DENND1A: variants seen among roughly 807,000 people sequenced by gnomAD.
DENND1A encodes DENN domain-containing protein 1A.
In DENND1A, 51 loss-of-function variants were observed where a neutral mutation model predicts 113.7. The observed-to-expected ratio is 0.45, with a 90% CI of 0.36 to 0.57. DENND1A has a LOEUF of 0.57. Among genes scored for constraint, DENND1A ranks in the 20% least tolerant of loss-of-function variants. The pLI, the probability that DENND1A is intolerant of heterozygous loss-of-function variation, is 0.00. For missense variants in DENND1A, 1,258 were observed against 1,395.9 expected, an observed-to-expected ratio of 0.90 and a Z score of 1.57; for synonymous variants, 565 against 570.8, an observed-to-expected ratio of 0.99 and a Z score of 0.14.
At chr9:123,414,389 G>C in intron 19 of DENND1A, 2 of 1,430,726 alleles carry the variant, frequency 1.4e-6, no homozygotes, top group Non-Finnish European at 1.8e-6. Context: ...TTTCCAGAGA[G>C]GACTTAAAAA....
At chr9:123,433,835 C>T (rs529056143) in intron 19 of DENND1A, among the ~76,000 whole-genome samples, 8 of 152,282 alleles carry the variant, frequency 5.3e-5, no homozygotes, top group South Asian at 4.2e-4. Context: ...TGACTGCTTT[C>T]CCCACTGTGC....
At chr9:123,744,294 T>C (rs1267880243) in intron 5 of DENND1A, among the ~76,000 whole-genome samples, 2 of 152,224 alleles carry the variant, frequency 1.3e-5, no homozygotes, top group East Asian at 1.9e-4. Context: ...GCTTTTCTTC[T>C]ATAAGTACTG....
intron 13 of DENND1A, among the ~76,000 whole-genome samples, chr9:123,498,670 G>C (rs1038801662): frequency 6.6e-6 from 1 of 152,092 alleles, no homozygotes. Flanking sequence ...ATGGGCAAGT[G>C]TAGTCCCTTA....
rs1252210423 is a variant in DENND1A, at chr9:123,381,998, T to G, written c.2647A>C (p.Thr883Pro). 2.5e-6 allele frequency: 3 copies of G among 1,179,778 alleles called. No individual in the cohort carries two copies. The East Asian group carries it at 1.7e-4, about 68-fold the overall frequency. The allele number at this position is 1,179,778 out of a possible 1,614,324, so 73.1% of individuals were successfully genotyped here. The change falls in exon 24 of 24, where the codon ACA (threonine) becomes CCA (proline). Residue 883 changes from threonine to proline, a missense_variant. Around this residue, in one of 2 missense-constraint regions of DENND1A, gnomAD observed 1,159 missense variants for 1,231.7 expected, o/e 0.94. Transcript: ENST00000394215. This position sits in a 1 kb window ranked among gnomAD's most constrained non-coding sequence, Gnocchi z 4.7. ...TPQFSFPPAG[T>P]PTPFPQPPLN... The stretch of plus-strand genomic sequence containing the variant: ...GGTGGCTGTGGGAATGGGGTGGGTG[T>G]CCCTGCAGGGGGGAAGCTGAATTGG...
At chr9:123,561,320 G>C (rs1589141983) in intron 12 of DENND1A, among the ~76,000 whole-genome samples, 1 of 152,208 alleles carries the variant, frequency 6.6e-6, no homozygotes, top group Non-Finnish European at 1.5e-5. Context: ...ATACGAGTGT[G>C]TCCCTTCCTG....
intron 11 of DENND1A, among the ~76,000 whole-genome samples, chr9:123,600,050 A>G (rs1399515728): frequency 1.3e-5 from 2 of 152,126 alleles, no homozygotes; most frequent in Admixed American, 6.6e-5. Flanking sequence ...AGCTCCCACA[A>G]TGGCCCCGCC....
chr9:123,602,127 T>C (rs1464845748), intron 11 of DENND1A, among the ~76,000 whole-genome samples: 1 of 152,176 alleles, frequency 6.6e-6, no homozygotes, highest in Non-Finnish European at 1.5e-5. Context: ...AGGGCCCCTG[T>C]GAATACCAAC....
intron 1 of DENND1A, among the ~76,000 whole-genome samples, chr9:123,907,113 G>C (rs938289684): frequency 1.3e-4 from 20 of 149,702 alleles, no homozygotes; most frequent in African/African-American, 4.7e-4. Context: ...AAAACCACAT[G>C]ATTATCTCAA....
chr9:123,881,376 AG>A (rs532446002), intron 1 of DENND1A, among the ~76,000 whole-genome samples: 121 of 152,326 alleles, frequency 7.9e-4, no homozygotes, highest in African/African-American at 2.8e-3. Flanking sequence ...GGAAGTTCAA[AG>A]GTTCTTTCAT....
At chr9:123,637,105 TCA>T (rs1231753946) in intron 9 of DENND1A, among the ~76,000 whole-genome samples, 2 of 152,232 alleles carry the variant, frequency 1.3e-5, no homozygotes, top group South Asian at 4.1e-4. Flanking sequence ...AATCAGATGG[TCA>T]CAGTCATTCT....
intron 4 of DENND1A, chr9:123,759,827 T>A (rs1473701677): frequency 6.6e-6 from 1 of 152,232 alleles, no homozygotes; most frequent in Non-Finnish European, 1.5e-5. Context: ...TATGCTAGAT[T>A]CAGTTTTGTC....
intron 2 of DENND1A, among the ~76,000 whole-genome samples, chr9:123,819,049 C>T (rs1323512143): frequency 1.3e-5 from 2 of 152,160 alleles, no homozygotes; most frequent in Non-Finnish European, 1.5e-5. Flanking sequence ...CTACTTAATC[C>T]ATCTCTGGGC....
At chr9:123,640,644 G>A (rs1333462366) in intron 9 of DENND1A, among the ~76,000 whole-genome samples, 1 of 152,234 alleles carries the variant, frequency 6.6e-6, no homozygotes, top group Admixed American at 6.5e-5. Flanking sequence ...GGCCTGCAAG[G>A]ATGAGATTCA....
chr9:123,447,271 A>T (rs1056246351), intron 18 of DENND1A, among the ~76,000 whole-genome samples: 5 of 152,240 alleles, frequency 3.3e-5, no homozygotes, highest in Non-Finnish European at 7.3e-5. Context: ...TGCTCCATTT[A>T]TCTAGAGAAA....
chr9:123,382,208 G>C lies in DENND1A; in HGVS notation c.2437C>G (p.Leu813Val), dbSNP rs1302729135. The C allele has an allele frequency of 5.0e-6, 8 of 1,609,792 alleles. No individual in the cohort carries two copies. The highest frequency in any genetic ancestry group is 6.8e-6 in the Non-Finnish European group (8 of 1,179,604). ...CCTTGGGGGACAACACCAGGCAGGA[G>C]CCCTGGACTCAGGGCAGCTCGCCTG... ...RDRRAALSPGLLPGVVPQGPT... is the reference protein window; with the variant it reads ...RDRRAALSPGVLPGVVPQGPT... Residue 813 changes from leucine to valine, a missense_variant, in exon 24 of 24, where the codon CTC (leucine) becomes GTC (valine). Around this residue, in one of 2 missense-constraint regions of DENND1A, gnomAD observed 1,159 missense variants for 1,231.7 expected, o/e 0.94. Coordinates refer to ENST00000394215, the MANE Select transcript of DENND1A (RefSeq NM_001352964.2).
rs56805562 is a variant in DENND1A, at chr9:123,827,392, A to AATAT, written c.89-34766_89-34763dup. Among the ~76,000 whole-genome samples the AATAT allele has an allele frequency of 4.8e-3, 678 of 140,762 alleles. 2 individuals carry two copies. Among genetic ancestry groups the AATAT allele is most frequent in the African/African-American group, 0.011 (423 of 38,566 alleles). 92.3% of individuals were successfully genotyped at this position (140,762 alleles called of 152,430 possible). A position where few individuals can be genotyped will look rare whatever the true frequency, so the allele number is the denominator to read the frequency against. ...TGAATAATTTCATTAATGGATATAT[A>AATAT]ATATATATATATATATATATATATA... On this transcript the variant is annotated intron_variant, in intron 2 of 23. Transcript: ENST00000394215.
chr9:123,824,293 C>G (rs1395365522), intron 2 of DENND1A, among the ~76,000 whole-genome samples: 1 of 152,142 alleles, frequency 6.6e-6, no homozygotes, highest in Non-Finnish European at 1.5e-5. Flanking sequence ...CCCAGTACCA[C>G]TCAAATCCAG....
intron 1 of DENND1A, among the ~76,000 whole-genome samples, chr9:123,900,683 C>A (rs1851478802): frequency 6.6e-6 from 1 of 152,218 alleles, no homozygotes; most frequent in Admixed American, 6.5e-5. Flanking sequence ...AGCTCCACCA[C>A]ACAAACGGCC....
intron 5 of DENND1A, among the ~76,000 whole-genome samples, chr9:123,690,855 T>C (rs544973779): frequency 6.2e-4 from 94 of 152,334 alleles, no homozygotes; most frequent in African/African-American, 2.1e-3. Flanking sequence ...AGTTCCAAAA[T>C]GGGCTTTCTG....
Sources: gnomAD v4.1 joint callset for allele counts (sites outside exome capture counted in the v4.1 genomes callset) on GRCh38, gnomAD v4.1.1 for gene constraint, gnomAD v4.1.1 regional missense constraint, Gnocchi (gnomAD v3.1) non-coding constraint, MANE v1.5 for transcripts, NCBI Gene and HGNC (gene_info 2026-07-23, HGNC 2026-07-21) for gene names.